The following PARD3B variants were observed in gnomAD, a reference collection of about 807,000 sequenced individuals.
PARD3B encodes par-3 family cell polarity regulator beta, also known as partitioning defective 3 homolog B.
PARD3B carries 103 observed loss-of-function variants against 130.2 expected under a neutral mutation model. That is an observed-to-expected ratio of 0.79 (90% CI 0.67 to 0.93). The LOEUF (loss-of-function observed/expected upper bound fraction) is 0.93. PARD3B is among the 40% of genes least tolerant of loss of function. The probability of loss-of-function intolerance (pLI) is 0.00; values close to 1 mark genes in which losing one functional copy is unlikely to be tolerated. For synonymous variants in PARD3B, 583 were observed against 553.2 expected (o/e 1.05, Z -0.76); for missense variants, 1,609 against 1,499.2 (o/e 1.07, Z -1.21).
rs567933091 is a variant in PARD3B at position 205,102,693 on chromosome 2, C to A, written c.505-1733C>A. 5.3e-5 allele frequency among the ~76,000 whole-genome samples: 8 copies of A among 152,304 alleles called. No individual in the cohort carries two copies. In the East Asian group the frequency reaches 1.2e-3, roughly 22 times the overall value. On this transcript the variant is annotated intron_variant, in intron 4 of 22. Transcript: ENST00000406610. ...CCTGCATGAAATGTTGCTACTCAAT[C>A]TAAAAGTGAGAGACATTTTTTTTAA...
intron 16 of PARD3B, among the ~76,000 whole-genome samples, chr2:205,284,649 G>A (rs1021206203): frequency 2.6e-5 from 4 of 151,988 alleles, no homozygotes; most frequent in Admixed American, 2.0e-4. Flanking sequence ...ACTGTTAATG[G>A]TATCCTAATG....
chr2:205,348,608 G>A lies in PARD3B; in HGVS notation c.2630+46907G>A, dbSNP rs144560431. Among the ~76,000 whole-genome samples the A allele has an allele frequency of 7.5e-4, 114 of 152,272 alleles. 1 individual carries two copies. The highest frequency in any genetic ancestry group is 2.4e-3 in the African/African-American group (98 of 41,560). On this transcript the variant is annotated intron_variant, in intron 18 of 22. Coordinates refer to ENST00000406610, the MANE Select transcript of PARD3B (RefSeq NM_001302769.2). ...GTGGGCAAGAGTTACCTAAAATATCGGTTTCCCATTCACTGCACAAAATGA... is the reference window on the plus strand; with the variant it reads ...GTGGGCAAGAGTTACCTAAAATATCAGTTTCCCATTCACTGCACAAAATGA...
chr2:205,155,281 TA>T (rs542703008), intron 10 of PARD3B, among the ~76,000 whole-genome samples: 58 of 151,936 alleles, frequency 3.8e-4, no homozygotes, highest in Non-Finnish European at 7.5e-4. Flanking sequence ...TCTCTGCAAA[TA>T]GGGGCAGCGG....
Position 205,047,681 on chromosome 2 carries a change from G to GCTT in PARD3B, c.495_496insCTT (p.Leu165dup). The GCTT allele has an allele frequency of 6.5e-7, 1 of 1,540,320 alleles. No individual in the cohort carries two copies. The highest frequency in any genetic ancestry group is 1.2e-5 in the South Asian group (1 of 83,748). On this transcript the variant is annotated inframe_insertion, in exon 4 of 23. Coordinates refer to ENST00000406610, the MANE Select transcript of PARD3B (RefSeq NM_001302769.2). ...ACCCTGGTGGCCAGAGTCTGAAACT[G>GCTT]GTTGTTCCAGTAGGTATCCTGCTGC...
chr2:204,639,142 A>C (rs1475628250), intron 1 of PARD3B, among the ~76,000 whole-genome samples: 1 of 152,214 alleles, frequency 6.6e-6, no homozygotes, highest in African/African-American at 2.4e-5. Flanking sequence ...GAAAATGAAC[A>C]GCAAAAATCT....
intron 4 of PARD3B, 196 bp downstream of exon 4, chr2:205,047,886 C>T (rs781754704): frequency 1.9e-5 from 8 of 426,126 alleles, no homozygotes; most frequent in Non-Finnish European, 2.5e-5. Context: ...ACGTATATGG[C>T]ACTGATTATG....
In PARD3B at chr2:205,558,423, C is replaced by T. The variant is rs17639046; in HGVS notation, c.3260+5020C>T. 0.31 allele frequency among the ~76,000 whole-genome samples: 47,493 copies of T among 151,980 alleles called. 8,329 individuals carry two copies. The highest frequency in any genetic ancestry group is 0.44 in the East Asian group (2,245 of 5,152). On this transcript the variant is annotated intron_variant, in intron 22 of 22. Coordinates refer to ENST00000406610, the MANE Select transcript of PARD3B (RefSeq NM_001302769.2). The surrounding 1 kb of genome is among the most constrained non-coding windows in gnomAD (Gnocchi z 4.8). Reference sequence around the variant, plus strand: ...CAGTGCTGAACATGCAACTACCAGACTTATACCTGAGCAGGACTCGTGTGG... The same window carrying T: ...CAGTGCTGAACATGCAACTACCAGATTTATACCTGAGCAGGACTCGTGTGG...
chr2:205,519,388 A>C (rs1456104554), intron 21 of PARD3B, among the ~76,000 whole-genome samples: 1 of 152,132 alleles, frequency 6.6e-6, no homozygotes, highest in Non-Finnish European at 1.5e-5. Context: ...TTGTGATTGC[A>C]TTGTGAAATT....
chr2:205,556,705 C>A (rs2052902494), intron 22 of PARD3B, among the ~76,000 whole-genome samples: 1 of 152,104 alleles, frequency 6.6e-6, no homozygotes, highest in Non-Finnish European at 1.5e-5. Context: ...AAACACCAGA[C>A]CTGTACCAGG....
At chr2:204,764,715 C>T (rs57155234) in intron 2 of PARD3B, among the ~76,000 whole-genome samples, 3,415 of 145,716 alleles carry the variant, frequency 0.023, 131 homozygotes, top group African/African-American at 0.08. Flanking sequence ...GGCATGCATG[C>T]GTGTGTGTGT....
At chr2:205,348,201 A>G (rs1024160238) in intron 18 of PARD3B, 3 of 152,204 alleles carry the variant, frequency 2.0e-5, no homozygotes, top group African/African-American at 7.2e-5. Context: ...TGTGAGCTCT[A>G]TTTGCATTCC....
chr2:205,577,289 CT>C (rs994237900), intron 22 of PARD3B, among the ~76,000 whole-genome samples: 6 of 151,496 alleles, frequency 4.0e-5, no homozygotes, highest in Non-Finnish European at 7.4e-5. Flanking sequence ...CCTTCTATTT[CT>C]TTTTCTTGTC....
chr2:205,548,365 A>G (rs774485517), intron 21 of PARD3B, among the ~76,000 whole-genome samples: 1 of 152,100 alleles, frequency 6.6e-6, no homozygotes, highest in Non-Finnish European at 1.5e-5. Flanking sequence ...TCAGTTTAAC[A>G]TGTCTAGATA....
rs1415026421 is a variant in PARD3B at position 205,037,959 on chromosome 2, G to A, written c.395-9622G>A. Among the ~76,000 whole-genome samples the A allele has an allele frequency of 5.9e-5, 9 of 152,162 alleles. 1 individual carries two copies. In the South Asian group the frequency reaches 8.3e-4, roughly 14 times the overall value. Reference sequence around the variant, plus strand: ...CCTGAAATTACATTTATTTCCCCACGCAAATCTGCATCTGGGCATTCCAAA... The same window carrying A: ...CCTGAAATTACATTTATTTCCCCACACAAATCTGCATCTGGGCATTCCAAA... On this transcript the variant is annotated intron_variant, in intron 3 of 22. Coordinates refer to ENST00000406610, the MANE Select transcript of PARD3B (RefSeq NM_001302769.2).
chr2:204,748,838 C>T (rs982600346), intron 2 of PARD3B, among the ~76,000 whole-genome samples: 4 of 151,846 alleles, frequency 2.6e-5, no homozygotes, highest in African/African-American at 9.7e-5. Flanking sequence ...AGGGAAAATC[C>T]TAGATTATTT....
At chr2:204,660,800 T>G (rs1188667790) in intron 1 of PARD3B, among the ~76,000 whole-genome samples, 3 of 152,240 alleles carry the variant, frequency 2.0e-5, no homozygotes, top group Non-Finnish European at 4.4e-5. Flanking sequence ...TGTGTGATGT[T>G]TTTAATTCCT....
Position 205,286,323 on chromosome 2 carries a change from T to A in PARD3B, c.2186-14207T>A, listed in dbSNP as rs192915729. On this transcript the variant is annotated intron_variant, in intron 16 of 22. Coordinates refer to ENST00000406610, the MANE Select transcript of PARD3B (RefSeq NM_001302769.2). ...ATGAGTTAATAGATATATATAAGAA[T>A]GTGCCTGGTACAGAGATAGCTGCTG... is the stretch of plus-strand genomic sequence containing the variant. 8.7e-3 allele frequency among the ~76,000 whole-genome samples: 1,331 copies of A among 152,292 alleles called. 15 individuals are homozygous for A. Among genetic ancestry groups the A allele is most frequent in the Non-Finnish European group, 0.011 (736 of 68,026 alleles).
intron 10 of PARD3B, among the ~76,000 whole-genome samples, chr2:205,143,075 T>C (rs2033100708): frequency 6.6e-6 from 1 of 152,152 alleles, no homozygotes; most frequent in Non-Finnish European, 1.5e-5. Flanking sequence ...ATAAAGCATA[T>C]TTTGAAATAT....
At chr2:204,851,664 A>G (rs983116298) in intron 2 of PARD3B, among the ~76,000 whole-genome samples, 1 of 152,218 alleles carries the variant, frequency 6.6e-6, no homozygotes, top group Admixed American at 6.5e-5. Context: ...GGCACATTGC[A>G]ATAAAATATA....
Sources: gnomAD v4.1 joint callset for allele counts (sites outside exome capture counted in the v4.1 genomes callset) on GRCh38, gnomAD v4.1.1 for gene constraint, Gnocchi (gnomAD v3.1) non-coding constraint, MANE v1.5 for transcripts, NCBI Gene and HGNC (gene_info 2026-07-23, HGNC 2026-07-21) for gene names.